Variants in CFAP299 observed in about 807,000 individuals in gnomAD.
CFAP299 encodes cilia- and flagella-associated protein 299.
CFAP299 carries 21 observed loss-of-function variants against 27.0 expected under a neutral mutation model. That is an observed-to-expected ratio of 0.78 (90% CI 0.55 to 1.12). CFAP299 has a LOEUF of 1.12. CFAP299 is among the 50% of genes most tolerant of loss of function. The pLI, the probability that CFAP299 is intolerant of heterozygous loss-of-function variation, is 0.00. For missense variants in CFAP299, 310 were observed against 276.6 expected, an observed-to-expected ratio of 1.12 and a Z score of -0.86; for synonymous variants, 104 against 98.1, an observed-to-expected ratio of 1.06 and a Z score of -0.36.
At chr4:80,566,674 AC>A (rs1485783605) in intron 2 of CFAP299, among the ~76,000 whole-genome samples, 1 of 152,110 alleles carries the variant, frequency 6.6e-6, no homozygotes, top group Admixed American at 6.6e-5. Context: ...GGTGTACCAA[AC>A]AAGAGGTTTC....
intron 2 of CFAP299, among the ~76,000 whole-genome samples, chr4:80,463,550 T>G (rs760982860): frequency 3.3e-5 from 5 of 152,186 alleles, no homozygotes; most frequent in Admixed American, 1.3e-4. Flanking sequence ...ACAGTTCTGG[T>G]GCATAGACGT....
At position 80,572,507 on chromosome 4, in the gene CFAP299, G is replaced by T. The variant is rs1194489008; in HGVS notation, c.243-10586G>T. On this transcript the variant is annotated intron_variant, in intron 2 of 5. Transcript: ENST00000358105. ...TGTTGTTGCACATGACTGGATCCCA[G>T]TTTTTTTTTTTTTTTTTTTTTTTTT... is the stretch of plus-strand genomic sequence containing the variant. Among the ~76,000 whole-genome samples the T allele has an allele frequency of 7.4e-4, 27 of 36,380 alleles. No homozygotes were observed. The South Asian group carries it at 0.018, about 24-fold the overall frequency. The allele number at this position is 36,380 out of a possible 152,430, so 23.9% of individuals were successfully genotyped here.
chr4:80,506,518 C>T (rs1394419768), intron 2 of CFAP299, among the ~76,000 whole-genome samples: 1 of 152,046 alleles, frequency 6.6e-6, no homozygotes, highest in Non-Finnish European at 1.5e-5. Context: ...AATTTCTACT[C>T]ATGATTTTTC....
chr4:80,621,832 CAG>C (rs1738619966), intron 3 of CFAP299, among the ~76,000 whole-genome samples: 1 of 152,140 alleles, frequency 6.6e-6, no homozygotes, highest in African/African-American at 2.4e-5. Context: ...GTCTTAAAAG[CAG>C]TAAGAATTTT....
chr4:80,428,687 T>G (rs2110076446), intron 2 of CFAP299, among the ~76,000 whole-genome samples: 1 of 106,388 alleles, frequency 9.4e-6, no homozygotes, highest in African/African-American at 3.3e-5. Context: ...CCACCATGCC[T>G]CGCTAATTTT....
chr4:80,885,938 A>C (rs1733948564), intron 4 of CFAP299, among the ~76,000 whole-genome samples: 1 of 152,140 alleles, frequency 6.6e-6, no homozygotes, highest in Non-Finnish European at 1.5e-5. Context: ...CTTGGACAGC[A>C]TTTCTGGACC....
chr4:80,694,747 A>T (rs1347255865), intron 3 of CFAP299, among the ~76,000 whole-genome samples: 1 of 152,184 alleles, frequency 6.6e-6, no homozygotes, highest in Non-Finnish European at 1.5e-5. Flanking sequence ...AATTCTTAGG[A>T]TGTTTCAAAT....
At position 80,385,085 on chromosome 4, in the gene CFAP299, ATTGT is replaced by A. The variant is rs1724901304; in HGVS notation, c.242+22204_242+22207del. Among the ~76,000 whole-genome samples the A allele has an allele frequency of 2.6e-5, 4 of 152,128 alleles. No homozygotes were observed. The South Asian group carries it at 8.3e-4, about 31-fold the overall frequency. On this transcript the variant is annotated intron_variant, in intron 2 of 5. Transcript: ENST00000358105. ...ATATCCATCATCTCACATCCCTATTATTGTTTATGATGAGAACAATTAATATCCA... is the reference window on the plus strand; with the variant it reads ...ATATCCATCATCTCACATCCCTATTATTATGATGAGAACAATTAATATCCA...
chr4:80,638,237 C>T (rs1739554412), intron 3 of CFAP299, among the ~76,000 whole-genome samples: 2 of 152,152 alleles, frequency 1.3e-5, no homozygotes, highest in South Asian at 4.1e-4. Flanking sequence ...GATCCCCCTA[C>T]TTGGAGAACT....
chr4:80,362,711 T>C lies in CFAP299; in HGVS notation c.112-43T>C, dbSNP rs764826935. On this transcript the variant is annotated intron_variant, in intron 1 of 5. Coordinates refer to ENST00000358105, the MANE Select transcript of CFAP299 (RefSeq NM_152770.3). Reference sequence around the variant, plus strand: ...TATAAGTAAGTAAGTAAAAATAGTATGTCTCATTTGCCCACTCACCTAACA... The same window carrying C: ...TATAAGTAAGTAAGTAAAAATAGTACGTCTCATTTGCCCACTCACCTAACA... 1.7e-5 allele frequency: 26 copies of C among 1,550,358 alleles called. 1 individual carries two copies. The South Asian group carries it at 2.7e-4, about 16-fold the overall frequency.
chr4:80,763,664 A>G (rs1332954485), intron 3 of CFAP299, among the ~76,000 whole-genome samples: 3 of 152,152 alleles, frequency 2.0e-5, no homozygotes, highest in African/African-American at 7.2e-5. Flanking sequence ...CCTAAGCAAA[A>G]AGAATAAATC....
At chr4:80,409,705 C>A (rs1578412170) in intron 2 of CFAP299, among the ~76,000 whole-genome samples, 1 of 152,056 alleles carries the variant, frequency 6.6e-6, no homozygotes, top group African/African-American at 2.4e-5. Flanking sequence ...AAATTTGATC[C>A]TTATTGACAG....
chr4:80,743,222 C>A (rs1724383603), intron 3 of CFAP299, among the ~76,000 whole-genome samples: 1 of 151,610 alleles, frequency 6.6e-6, no homozygotes, highest in Admixed American at 6.6e-5. Context: ...ATGGTGAAAC[C>A]CTGTCTCTAC....
intron 3 of CFAP299, among the ~76,000 whole-genome samples, chr4:80,632,803 A>G (rs6847820): frequency 0.046 from 6,956 of 152,126 alleles, 554 homozygotes; most frequent in African/African-American, 0.16. Context: ...AATATTTTCC[A>G]GGAGAACATC....
chr4:80,612,599 G>A (rs1738048741), intron 3 of CFAP299, among the ~76,000 whole-genome samples: 1 of 151,936 alleles, frequency 6.6e-6, no homozygotes, highest in African/African-American at 2.4e-5. Context: ...GATTTGAGAA[G>A]GTGAATTGTC....
intron 3 of CFAP299, among the ~76,000 whole-genome samples, chr4:80,776,758 A>AG (rs1261044817): frequency 1.3e-5 from 2 of 152,122 alleles, no homozygotes; most frequent in African/African-American, 4.8e-5. Context: ...AAAATAAAAA[A>AG]TAAATAAAGC....
intron 4 of CFAP299, among the ~76,000 whole-genome samples, chr4:80,907,899 C>T (rs951574776): frequency 8.5e-5 from 13 of 152,126 alleles, no homozygotes; most frequent in African/African-American, 2.7e-4. Context: ...ATTGAGTTCA[C>T]CAAGAGCAAC....
Position 80,862,425 on chromosome 4 carries a change from G to A in CFAP299, c.334-7568G>A, listed in dbSNP as rs185690378. On this transcript the variant is annotated intron_variant, in intron 3 of 5. Coordinates refer to ENST00000358105, the MANE Select transcript of CFAP299 (RefSeq NM_152770.3). ...ATAAAGCCATTTAAAATATAGATAC[G>A]TCTTATAAACTAGGAGAGAAAAAAA... Among the ~76,000 whole-genome samples, 593 of 151,974 alleles carry A rather than the reference G, an allele frequency of 3.9e-3. 1 individual carries two copies. The highest frequency in any genetic ancestry group is 0.014 in the Middle Eastern group (4 of 294).
intron 2 of CFAP299, among the ~76,000 whole-genome samples, chr4:80,563,942 G>T (rs1398408148): frequency 6.6e-6 from 1 of 151,872 alleles, no homozygotes; most frequent in Non-Finnish European, 1.5e-5. Context: ...ATCTAGAAGT[G>T]GACAAATTCT....
Sources: allele counts gnomAD v4.1 joint callset (sites outside exome capture counted in the v4.1 genomes callset), GRCh38; gene constraint gnomAD v4.1.1; transcripts MANE v1.5; gene names NCBI Gene and HGNC (gene_info 2026-07-23, HGNC 2026-07-21).